The following ZNF396 variants were observed in gnomAD, a reference collection of about 807,000 sequenced individuals.
ZNF396 encodes the protein zinc finger and SCAN domain-containing protein 14.
A neutral mutation model predicts 20.5 loss-of-function variants in ZNF396; 14 were observed. That is an observed-to-expected ratio of 0.68 (90% CI 0.45 to 1.07). The LOEUF (loss-of-function observed/expected upper bound fraction) is 1.07, where lower values mean the gene tolerates loss of function less well. Among genes scored for constraint, ZNF396 ranks in the 50% least tolerant of loss-of-function variants. The probability of loss-of-function intolerance (pLI) is 0.00; values close to 1 mark genes in which losing one functional copy is unlikely to be tolerated. For synonymous variants in ZNF396, 119 were observed against 140.6 expected, an observed-to-expected ratio of 0.85 and a Z score of 1.08; for missense variants, 347 against 390.1, an observed-to-expected ratio of 0.89 and a Z score of 0.93.
chr18:35,367,602 TTTG>T lies in ZNF396; in HGVS notation c.*1610_*1612del, dbSNP rs1757231598. The T allele has an allele frequency of 6.6e-6, 1 of 152,112 alleles. No individual in the cohort carries two copies. Among genetic ancestry groups the T allele is most frequent in the South Asian group, 2.1e-4 (1 of 4,808 alleles). 9.4% of individuals were successfully genotyped at this position (152,112 alleles called of 1,614,324 possible). A position where few individuals can be genotyped will look rare whatever the true frequency, so the allele number is the denominator to read the frequency against. On this transcript the variant is annotated 3_prime_UTR_variant, in exon 4 of 4. Coordinates refer to ENST00000589332, the MANE Select transcript of ZNF396 (RefSeq NM_001322286.2). ...CAAGAATCTCTGGAAAATAGATAATTTTGTTGTTTGTATACTGTCAGAATAATT... is the reference window on the plus strand; with the variant it reads ...CAAGAATCTCTGGAAAATAGATAATTTTGTTTGTATACTGTCAGAATAATT...
chr18:35,369,507 T>G lies in ZNF396; in HGVS notation c.716A>C (p.Glu239Ala), dbSNP rs200256118. The G allele has an allele frequency of 4.6e-5, 75 of 1,614,032 alleles. No homozygotes were observed. The highest frequency in any genetic ancestry group is 2.0e-4 in the East Asian group (9 of 44,898). The change falls in exon 4 of 4, where the codon GAA (glutamate) becomes GCA (alanine). Residue 239 changes from glutamate to alanine, a missense_variant. By Grantham distance (107) the Glu-to-Ala change is moderately radical. Transcript: ENST00000589332. Reference sequence around the variant, plus strand: ...CCAAGAAGGGTTTCCTTGTCTCTTTTCAAACCTACCATCTTGTTCATAGGT... The same window carrying G: ...CCAAGAAGGGTTTCCTTGTCTCTTTGCAAACCTACCATCTTGTTCATAGGT... ...RGTYEQDGRF[E>A]KRQGNPSWKK...
Position 35,369,142 on chromosome 18 carries a change from G to A in ZNF396, c.*73C>T. On this transcript the variant is annotated 3_prime_UTR_variant, in exon 4 of 4. Coordinates refer to ENST00000589332, the MANE Select transcript of ZNF396 (RefSeq NM_001322286.2). Reference sequence around the variant, plus strand: ...TACTAAGACCACTGATTTGTACTAAGGAGCGTTTGCATCTGGTGTCTTCCC... The same window carrying A: ...TACTAAGACCACTGATTTGTACTAAAGAGCGTTTGCATCTGGTGTCTTCCC... 6.8e-7 allele frequency: 1 copy of A among 1,464,826 alleles called. No homozygotes were observed. Among genetic ancestry groups the A allele is most frequent in the Non-Finnish European group, 9.0e-7 (1 of 1,110,830 alleles). The allele number at this position is 1,464,826 out of a possible 1,614,324, so 90.7% of individuals were successfully genotyped here. A position where few individuals can be genotyped will look rare whatever the true frequency, so the allele number is the denominator to read the frequency against.
chr18:35,370,487 GT>G (rs1308715339), intron 3 of ZNF396, among the ~76,000 whole-genome samples: 1 of 137,896 alleles, frequency 7.3e-6, no homozygotes, highest in African/African-American at 2.6e-5. Context: ...AATCACTTCA[GT>G]TATCCTCATG....
intron 2 of ZNF396, 69 bp downstream of exon 2, chr18:35,373,807 C>T (rs1052224378): frequency 1.9e-6 from 3 of 1,547,806 alleles, no homozygotes; most frequent in Non-Finnish European, 2.6e-6. Context: ...TTTGAGAGCT[C>T]TACTCCCAAT....
In ZNF396 at chr18:35,374,372, A is replaced by G; in HGVS notation, c.-72-8T>C. On this transcript the variant is annotated splice_region_variant and splice_polypyrimidine_tract_variant and intron_variant, in intron 1 of 3. Coordinates refer to ENST00000589332, the MANE Select transcript of ZNF396 (RefSeq NM_001322286.2). This position sits in a 1 kb window ranked among gnomAD's most constrained non-coding sequence, Gnocchi z 4.3. ...CTGTCCTGATGGACACTCCTTAAAT[A>G]TGATTAAAGAAACAAGTGGAAAGAA... 1 of 1,347,612 alleles carries G rather than the reference A, an allele frequency of 7.4e-7. No homozygotes were observed. Among genetic ancestry groups the G allele is most frequent in the Non-Finnish European group, 1.0e-6 (1 of 990,360 alleles). The allele number at this position is 1,347,612 out of a possible 1,614,324, so 83.5% of individuals were successfully genotyped here.
At chr18:35,372,517 T>C (rs1204588495) in intron 3 of ZNF396, 1 of 152,150 alleles carries the variant, frequency 6.6e-6, no homozygotes, top group Non-Finnish European at 1.5e-5. Context: ...TATCAGCCAC[T>C]CCTGAACTAT....
At chr18:35,369,718 A>G in intron 3 of ZNF396, 58 bp from the exon 4 acceptor site, 3 of 1,472,598 alleles carry the variant, frequency 2.0e-6, no homozygotes, top group Non-Finnish European at 2.7e-6. Context: ...AATGAAATAT[A>G]CATGATTATT....
chr18:35,370,206 A>T (rs1406215394), intron 3 of ZNF396, among the ~76,000 whole-genome samples: 1 of 152,212 alleles, frequency 6.6e-6, no homozygotes, highest in Non-Finnish European at 1.5e-5. Flanking sequence ...ACCTCAAAAG[A>T]TCAAGGGTAG....
chr18:35,367,043 T>C lies in ZNF396; in HGVS notation c.*2172A>G, dbSNP rs1022762987. 1 of 152,184 alleles carries C rather than the reference T, an allele frequency of 6.6e-6. No homozygotes were observed. Among genetic ancestry groups the C allele is most frequent in the Admixed American group, 6.5e-5 (1 of 15,282 alleles). 9.4% of individuals were successfully genotyped at this position (152,184 alleles called of 1,614,324 possible). A position where few individuals can be genotyped will look rare whatever the true frequency, so the allele number is the denominator to read the frequency against. ...TCTGCCATCTTATTCACATAGAACC[T>C]AAGAAACTCTTTCCGTAATTAAGCA... On this transcript the variant is annotated 3_prime_UTR_variant, in exon 4 of 4. Transcript: ENST00000589332.
rs1166755379 is a variant in ZNF396, at chr18:35,367,149, G to A, written c.*2066C>T. On this transcript the variant is annotated 3_prime_UTR_variant, in exon 4 of 4. Transcript: ENST00000589332. ...TCCTCTCCGTAATTACAAAGACAAT[G>A]AGCCCCAAATAAAAAGTATCCTACA... The A allele has an allele frequency of 1.3e-5, 2 of 152,128 alleles. No individual in the cohort carries two copies. The highest frequency in any genetic ancestry group is 6.5e-5 in the Admixed American group (1 of 15,270). 9.4% of individuals were successfully genotyped at this position (152,128 alleles called of 1,614,324 possible). A position where few individuals can be genotyped will look rare whatever the true frequency, so the allele number is the denominator to read the frequency against.
At position 35,369,336 on chromosome 18, in the gene ZNF396, T is replaced by C. The variant is rs112874582; in HGVS notation, c.887A>G (p.Gln296Arg). ...KAFSRSAILI[Q>R]HRRTHTGEKP... Reference sequence around the variant, plus strand: ...CTCACCAGTATGGGTTCGTCGATGCTGAATCAGAATTGCGCTTCGGCTGAA... The same window carrying C: ...CTCACCAGTATGGGTTCGTCGATGCCGAATCAGAATTGCGCTTCGGCTGAA... The change falls in exon 4 of 4, where the codon CAG (glutamine) becomes CGG (arginine). Residue 296 changes from glutamine (Q) to arginine (R), a missense_variant. Transcript: ENST00000589332. 145 of 1,614,254 alleles carry C rather than the reference T, an allele frequency of 9.0e-5. 1 individual carries two copies. The African/African-American group carries it at 1.3e-3, about 14-fold the overall frequency.
At chr18:35,370,010 G>A (rs1227855446) in intron 3 of ZNF396, among the ~76,000 whole-genome samples, 1 of 152,118 alleles carries the variant, frequency 6.6e-6, no homozygotes, top group Admixed American at 6.6e-5. Context: ...GCCAGTGGGA[G>A]TAACAAACAA....
Position 35,368,118 on chromosome 18 carries a change from T to C in ZNF396, c.*1097A>G, listed in dbSNP as rs1245311711. ...GACAATTTTGTTCATCTCCCTTTTT[T>C]CTTTATATTAAGATGATCATCCATC... is the stretch of plus-strand genomic sequence containing the variant. On this transcript the variant is annotated 3_prime_UTR_variant, in exon 4 of 4. Coordinates refer to ENST00000589332, the MANE Select transcript of ZNF396 (RefSeq NM_001322286.2). 1.2e-5 allele frequency: 3 copies of C among 255,788 alleles called. No homozygotes were observed. The highest frequency in any genetic ancestry group is 2.2e-5 in the Non-Finnish European group (3 of 136,080). 15.8% of individuals were successfully genotyped at this position (255,788 alleles called of 1,614,324 possible). A position where few individuals can be genotyped will look rare whatever the true frequency, so the allele number is the denominator to read the frequency against.
intron 3 of ZNF396, among the ~76,000 whole-genome samples, chr18:35,370,371 C>G (rs1476845087): frequency 6.6e-6 from 1 of 152,150 alleles, no homozygotes; most frequent in East Asian, 1.9e-4. Flanking sequence ...GCACACAAAC[C>G]TGGCTTGATG....
intron 1 of ZNF396, chr18:35,376,275 GAAAC>G (rs1164463287): frequency 1.4e-4 from 22 of 152,224 alleles, no homozygotes; most frequent in Non-Finnish European, 2.8e-4. Flanking sequence ...GATGTGCTAT[GAAAC>G]AAACAATAGC....
chr18:35,374,259 G>A lies in ZNF396; in HGVS notation c.34C>T (p.Leu12=). ...TTACACTCCTCTGAAGTTTGTGTTA[G>A]GAGTGATGATGACTTTCCCAATTTT... ...SAKLGKSSSL[L]TQTSEECNGI... is the part of the protein sequence containing the mutation. Residue 12 remains leucine (L), a synonymous_variant, in exon 2 of 4, where the codon CTA becomes TTA. Transcript: ENST00000589332. The surrounding 1 kb of genome is among the most constrained non-coding windows in gnomAD (Gnocchi z 4.3). The A allele has an allele frequency of 1.2e-6, 2 of 1,614,104 alleles. No individual in the cohort carries two copies. The highest frequency in any genetic ancestry group is 2.2e-5 in the East Asian group (1 of 44,886).
chr18:35,369,109 C>G lies in ZNF396; in HGVS notation c.*106G>C. On this transcript the variant is annotated 3_prime_UTR_variant, in exon 4 of 4. Transcript: ENST00000589332. ...GGCTTTCATGAGTCTTGAAAGGAGA[C>G]TGGTGCTTACTAAGACCACTGATTT... is the stretch of plus-strand genomic sequence containing the variant. 1 of 1,441,408 alleles carries G rather than the reference C, an allele frequency of 6.9e-7. No individual in the cohort carries two copies. Among genetic ancestry groups the G allele is most frequent in the Non-Finnish European group, 9.1e-7 (1 of 1,099,498 alleles). The allele number at this position is 1,441,408 out of a possible 1,614,324, so 89.3% of individuals were successfully genotyped here. A position where few individuals can be genotyped will look rare whatever the true frequency, so the allele number is the denominator to read the frequency against.
At chr18:35,371,430 A>C (rs762374315) in intron 3 of ZNF396, among the ~76,000 whole-genome samples, 1 of 152,210 alleles carries the variant, frequency 6.6e-6, no homozygotes, top group Non-Finnish European at 1.5e-5. Flanking sequence ...GAATACCTGA[A>C]CTTGAGTAAT....
At chr18:35,373,405 G>A (rs370313474) in intron 3 of ZNF396, 51 bp downstream of exon 3, 1 of 1,584,934 alleles carries the variant, frequency 6.3e-7, no homozygotes, top group African/African-American at 1.3e-5. Context: ...TGTGTGTGGT[G>A]AGCAGAGGGC....
Sources: allele counts gnomAD v4.1 joint callset (sites outside exome capture counted in the v4.1 genomes callset), GRCh38; gene constraint gnomAD v4.1.1; non-coding constraint Gnocchi (gnomAD v3.1); transcripts MANE v1.5; gene names NCBI Gene and HGNC (gene_info 2026-07-23, HGNC 2026-07-21).